CACNA1A: variants seen among roughly 807,000 people sequenced by gnomAD.
CACNA1A encodes the protein calcium voltage-gated channel subunit alpha1 A, also known as voltage-dependent P/Q-type calcium channel subunit alpha-1A.
A neutral mutation model predicts 262.4 loss-of-function variants in CACNA1A; 57 were observed. That is an observed-to-expected ratio of 0.22 (90% CI 0.18 to 0.27). The LOEUF (loss-of-function observed/expected upper bound fraction) is 0.27. CACNA1A is among the 10% of genes least tolerant of loss of function. CACNA1A has a pLI of 1.00. For missense variants in CACNA1A, 2,526 were observed against 3,562.8 expected (o/e 0.71, Z 7.41); for synonymous variants, 1,431 against 1,419.3 (o/e 1.01, Z -0.18).
intron 4 of CACNA1A, among the ~76,000 whole-genome samples, chr19:13,368,641 T>C (rs1195970151): frequency 6.6e-6 from 1 of 152,210 alleles, no homozygotes; most frequent in Non-Finnish European, 1.5e-5. Context: ...TGCTTCTTGA[T>C]TGCAGGAACT....
At chr19:13,409,243 C>T (rs1462439808) in intron 3 of CACNA1A, among the ~76,000 whole-genome samples, 1 of 152,046 alleles carries the variant, frequency 6.6e-6, no homozygotes, top group Non-Finnish European at 1.5e-5. Context: ...GAAGAGAGTT[C>T]TGGGAGTTGA....
At chr19:13,254,278 T>C (rs908547497) in intron 29 of CACNA1A, among the ~76,000 whole-genome samples, 1 of 152,122 alleles carries the variant, frequency 6.6e-6, no homozygotes, top group African/African-American at 2.4e-5. Flanking sequence ...TGAAAGGTTT[T>C]CAGAGTTTTT....
Position 13,229,984 on chromosome 19 carries a change from G to A in CACNA1A, c.5528+98C>T, listed in dbSNP as rs554201120. 4.2e-5 allele frequency: 57 copies of A among 1,366,560 alleles called. No individual in the cohort carries two copies. In the African/African-American group the frequency reaches 7.8e-4, roughly 19 times the overall value. The allele number at this position is 1,366,560 out of a possible 1,614,324, so 84.7% of individuals were successfully genotyped here. On this transcript the variant is annotated intron_variant, in intron 36 of 46. Transcript: ENST00000360228. ...TGTGAGACCCCTGCTAGGACCCCAG[G>A]AGTTCAGTGCTCCAGAGTCTGGGGC... is the stretch of plus-strand genomic sequence containing the variant.
At chr19:13,219,875 G>A (rs540796189) in intron 38 of CACNA1A, among the ~76,000 whole-genome samples, 48 of 151,674 alleles carry the variant, frequency 3.2e-4, no homozygotes, top group Non-Finnish European at 4.7e-4. Flanking sequence ...ACTTGAACCC[G>A]GGAGATGGAG....
intron 5 of CACNA1A, among the ~76,000 whole-genome samples, chr19:13,360,000 CT>C (rs1484985819): frequency 6.7e-6 from 1 of 148,504 alleles, no homozygotes; most frequent in African/African-American, 2.5e-5. Context: ...AGCTTTACTA[CT>C]TTTCTCTTTA....
chr19:13,454,279 C>T (rs938834022), intron 2 of CACNA1A, among the ~76,000 whole-genome samples: 2 of 151,528 alleles, frequency 1.3e-5, no homozygotes, highest in Non-Finnish European at 2.9e-5. Flanking sequence ...CCTCCTGAAG[C>T]TACCTAGAAG....
intron 30 of CACNA1A, among the ~76,000 whole-genome samples, chr19:13,247,076 G>T (rs1264963180): frequency 6.6e-6 from 1 of 152,206 alleles, no homozygotes; most frequent in African/African-American, 2.4e-5. Context: ...AAGAGTCTGG[G>T]TCAAAGAGAT....
intron 21 of CACNA1A, 96 bp downstream of exon 21, chr19:13,284,972 G>A (rs1048176421): frequency 1.7e-6 from 2 of 1,206,766 alleles, no homozygotes; most frequent in Admixed American, 1.8e-5. Flanking sequence ...GACTCATGGT[G>A]GTCAACACTC....
chr19:13,405,215 T>C (rs1272743023), intron 3 of CACNA1A, among the ~76,000 whole-genome samples: 1 of 151,610 alleles, frequency 6.6e-6, no homozygotes, highest in Non-Finnish European at 1.5e-5. Flanking sequence ...ATTTTTGAGA[T>C]AGGGTCTCAC....
intron 35 of CACNA1A, 57 bp downstream of exon 35, chr19:13,231,653 T>C: frequency 6.4e-7 from 1 of 1,554,884 alleles, no homozygotes; most frequent in Non-Finnish European, 8.7e-7. Context: ...CCCACTCCCC[T>C]GAAAGGAAGC....
chr19:13,319,197 A>C lies in CACNA1A; in HGVS notation c.1346-1876T>G, dbSNP rs578005600. Among the ~76,000 whole-genome samples, 54 of 152,304 alleles carry C rather than the reference A, an allele frequency of 3.5e-4. No individual in the cohort carries two copies. In the South Asian group the frequency reaches 0.011, roughly 31 times the overall value. On this transcript the variant is annotated intron_variant, in intron 10 of 46. Transcript: ENST00000360228. The stretch of plus-strand genomic sequence containing the variant: ...GCATGAATTACCATGCCCAGGCTTA[A>C]GATACCTTTTCTTATAAACCCTCAG...
chr19:13,227,364 A>G, intron 37 of CACNA1A, 67 bp downstream of exon 37: 1 of 649,628 alleles, frequency 1.5e-6, no homozygotes, highest in Non-Finnish European at 2.6e-6. Flanking sequence ...AGCACTAAAA[A>G]AAAAGAAGAA....
Position 13,207,092 on chromosome 19 carries a change from G to C in CACNA1A, c.*221C>G. 1 of 420,514 alleles carries C rather than the reference G, an allele frequency of 2.4e-6. No homozygotes were observed. Among genetic ancestry groups the C allele is most frequent in the Non-Finnish European group, 4.2e-6 (1 of 237,380 alleles). The allele number at this position is 420,514 out of a possible 1,614,324, so 26.0% of individuals were successfully genotyped here. On this transcript the variant is annotated 3_prime_UTR_variant, in exon 47 of 47. Coordinates refer to ENST00000360228, the MANE Select transcript of CACNA1A (RefSeq NM_001127222.2). The surrounding 1 kb of genome is among the most constrained non-coding windows in gnomAD (Gnocchi z 5.7). ...TGTCGTGGGTGGGGGGATCGGGGCT[G>C]GTTGGGGGGCGCCGTGGCTGCCCAG...
chr19:13,354,089 C>G (rs556173593), intron 6 of CACNA1A, among the ~76,000 whole-genome samples: 37 of 152,300 alleles, frequency 2.4e-4, no homozygotes, highest in South Asian at 1.0e-3. Context: ...GCCTGGCACA[C>G]AGTAGGTGCT....
At chr19:13,377,373 ATTT>A (rs1169102792) in intron 3 of CACNA1A, among the ~76,000 whole-genome samples, 2 of 140,120 alleles carry the variant, frequency 1.4e-5, no homozygotes. Context: ...CTAACACAAC[ATTT>A]TTTTTTTTTT....
At chr19:13,495,216 G>C (rs1981353908) in intron 1 of CACNA1A, among the ~76,000 whole-genome samples, 1 of 152,132 alleles carries the variant, frequency 6.6e-6, no homozygotes, top group Non-Finnish European at 1.5e-5. Context: ...AACTTTGGGG[G>C]GATGTGAGGA....
At chr19:13,300,731 A>ACC in intron 17 of CACNA1A, 75 bp from the exon 18 acceptor site, 1 of 1,122,358 alleles carries the variant, frequency 8.9e-7, no homozygotes, top group South Asian at 1.2e-5. Context: ...CCTGTTGCTG[A>ACC]CCAGGGGCAA....
In CACNA1A at chr19:13,378,968, CTTT is replaced by C. The variant is rs35618538; in HGVS notation, c.540-7192_540-7190del. On this transcript the variant is annotated intron_variant, in intron 3 of 46. Coordinates refer to ENST00000360228, the MANE Select transcript of CACNA1A (RefSeq NM_001127222.2). ...ACAGGCATGAGCCACTGTGCCCAGC[CTTT>C]TTTTTTTTTTTTTTTAATTTTTGTT... Among the ~76,000 whole-genome samples the C allele has an allele frequency of 5.5e-3, 713 of 129,460 alleles. 3 individuals carry two copies. Among genetic ancestry groups the C allele is most frequent in the Middle Eastern group, 0.017 (4 of 236 alleles). 84.9% of individuals were successfully genotyped at this position (129,460 alleles called of 152,430 possible).
At chr19:13,479,935 C>T (rs1295741993) in intron 1 of CACNA1A, among the ~76,000 whole-genome samples, 3 of 152,336 alleles carry the variant, frequency 2.0e-5, no homozygotes, top group Admixed American at 6.5e-5. Context: ...TGGCAAATGG[C>T]CATGCCCATT....
Sources: gnomAD v4.1 joint callset for allele counts (sites outside exome capture counted in the v4.1 genomes callset) on GRCh38, gnomAD v4.1.1 for gene constraint, Gnocchi (gnomAD v3.1) non-coding constraint, MANE v1.5 for transcripts, NCBI Gene and HGNC (gene_info 2026-07-23, HGNC 2026-07-21) for gene names.